The following EDIL3 variants were observed in gnomAD, a reference collection of about 807,000 sequenced individuals.
EDIL3 encodes the protein EGF like and discoidin domains 3.
A neutral mutation model predicts 67.4 loss-of-function variants in EDIL3; 37 were observed. The ratio of observed to expected loss-of-function variants is 0.55; its 90% confidence interval spans 0.42 to 0.72. The LOEUF (loss-of-function observed/expected upper bound fraction) is 0.72, where lower values mean the gene tolerates loss of function less well. Among genes scored for constraint, EDIL3 ranks in the 30% least tolerant of loss-of-function variants. The probability of loss-of-function intolerance (pLI) is 0.00; values close to 1 mark genes in which losing one functional copy is unlikely to be tolerated. For synonymous variants in EDIL3, 195 were observed against 196.3 expected, an observed-to-expected ratio of 0.99 and a Z score of 0.05; for missense variants, 527 against 586.3, an observed-to-expected ratio of 0.90 and a Z score of 1.04.
intron 9 of EDIL3, among the ~76,000 whole-genome samples, chr5:83,988,099 A>T (rs1249661454): frequency 6.6e-6 from 1 of 151,994 alleles, no homozygotes; most frequent in Admixed American, 6.6e-5. Flanking sequence ...TCAAATCCAC[A>T]CTAAAATTGA....
Position 84,384,431 on chromosome 5 carries a change from T to C in EDIL3, c.-57A>G. 6.3e-7 allele frequency: 1 copy of C among 1,586,878 alleles called. No homozygotes were observed. The highest frequency in any genetic ancestry group is 1.3e-5 in the African/African-American group (1 of 74,290). On this transcript the variant is annotated 5_prime_UTR_variant, in exon 1 of 11. Transcript: ENST00000296591. ...TCAGGGGTCGTCGCGGAGGGCAGTG[T>C]AGCCGAGGTGGCAGCGCAGGGCAGC... is the stretch of plus-strand genomic sequence containing the variant.
chr5:84,007,622 A>T (rs1745441199), intron 9 of EDIL3, among the ~76,000 whole-genome samples: 1 of 152,200 alleles, frequency 6.6e-6, no homozygotes, highest in South Asian at 2.1e-4. Context: ...AAAGACCAGC[A>T]GTAGCAAATG....
intron 6 of EDIL3, among the ~76,000 whole-genome samples, chr5:84,077,420 AC>A (rs1356461098): frequency 6.6e-6 from 1 of 152,118 alleles, no homozygotes; most frequent in Non-Finnish European, 1.5e-5. Context: ...AATACCTGAG[AC>A]TGACTAATTA....
At chr5:84,368,401 A>G (rs530795694) in intron 1 of EDIL3, among the ~76,000 whole-genome samples, 1 of 152,312 alleles carries the variant, frequency 6.6e-6, no homozygotes, top group African/African-American at 2.4e-5. Context: ...TCTTCAACAA[A>G]TGTTGCTGGT....
chr5:84,027,510 T>C (rs559456651), intron 9 of EDIL3, among the ~76,000 whole-genome samples: 11 of 152,076 alleles, frequency 7.2e-5, no homozygotes, highest in African/African-American at 2.7e-4. Flanking sequence ...AAGATGGAGA[T>C]GGAAATGTCT....
At chr5:84,363,967 C>T (rs551584042) in intron 1 of EDIL3, among the ~76,000 whole-genome samples, 1 of 152,200 alleles carries the variant, frequency 6.6e-6, no homozygotes, top group South Asian at 2.1e-4. Flanking sequence ...GTCATCAATT[C>T]TTAGTGTGCT....
At chr5:84,242,096 G>A (rs1421764583) in intron 2 of EDIL3, among the ~76,000 whole-genome samples, 2 of 151,632 alleles carry the variant, frequency 1.3e-5, no homozygotes, top group African/African-American at 2.4e-5. Flanking sequence ...GCCAGGCGTG[G>A]TGGTGGGCGC....
intron 4 of EDIL3, among the ~76,000 whole-genome samples, chr5:84,140,088 T>A (rs1748162491): frequency 6.6e-6 from 1 of 152,140 alleles, no homozygotes; most frequent in Non-Finnish European, 1.5e-5. Flanking sequence ...TTAAAGGGTA[T>A]TTCCTTCACC....
chr5:84,323,532 C>T (rs191145416), intron 1 of EDIL3, among the ~76,000 whole-genome samples: 114 of 151,904 alleles, frequency 7.5e-4, no homozygotes, highest in African/African-American at 2.7e-3. Context: ...ATAAAGGAAA[C>T]AAACAGAAAA....
chr5:84,137,347 A>C lies in EDIL3; in HGVS notation c.363T>G (p.Asn121Lys). The C allele has an allele frequency of 6.2e-7, 1 of 1,612,038 alleles. No homozygotes were observed. The highest frequency in any genetic ancestry group is 8.5e-7 in the Non-Finnish European group (1 of 1,179,292). The change falls in exon 5 of 11, where the codon AAT becomes AAG. Residue 121 changes from asparagine to lysine, a missense_variant. Physicochemically the swap from Asn to Lys is moderately conservative, Grantham distance 94 (BLOSUM62 0). This residue lies in a region of EDIL3 where 494 missense variants were observed against 522.5 expected (regional missense o/e 0.95). Transcript: ENST00000296591. ...FNGIHCQHNI[N>K]ECEVEPCKNG... ...TTTTGCAAGGCTCAACTTCGCATTCATTTATGTCTAAGAAAAACAGAAAGG... is the reference window on the plus strand; with the variant it reads ...TTTTGCAAGGCTCAACTTCGCATTCCTTTATGTCTAAGAAAAACAGAAAGG...
Position 83,941,388 on chromosome 5 carries a change from A to G in EDIL3, c.*2031T>C, listed in dbSNP as rs1192325039. The G allele has an allele frequency of 2.6e-5, 4 of 152,064 alleles. No homozygotes were observed. Among genetic ancestry groups the G allele is most frequent in the African/African-American group, 9.6e-5 (4 of 41,460 alleles). The allele number at this position is 152,064 out of a possible 1,614,324, so 9.4% of individuals were successfully genotyped here. On this transcript the variant is annotated 3_prime_UTR_variant, in exon 11 of 11. Coordinates refer to ENST00000296591, the MANE Select transcript of EDIL3 (RefSeq NM_005711.5). ...GTATCAATAGAAAAAATTACAAAACATCATATGAAGCTATAAATAATTTTG... is the reference window on the plus strand; with the variant it reads ...GTATCAATAGAAAAAATTACAAAACGTCATATGAAGCTATAAATAATTTTG...
Position 84,265,391 on chromosome 5 carries a change from T to C in EDIL3, c.68-11179A>G, listed in dbSNP as rs141152207. Among the ~76,000 whole-genome samples the C allele has an allele frequency of 2.4e-3, 358 of 152,326 alleles. 1 individual carries two copies. Among genetic ancestry groups the C allele is most frequent in the African/African-American group, 8.4e-3 (350 of 41,564 alleles). The stretch of plus-strand genomic sequence containing the variant: ...CTGTATATGCTTATCTATTTAGTGG[T>C]TGGCAAATACAGAGACATCACAAAA... On this transcript the variant is annotated intron_variant, in intron 1 of 10. Transcript: ENST00000296591.
chr5:84,256,148 C>CTATCTATCTATCTATCATCT (rs3046886), intron 1 of EDIL3, among the ~76,000 whole-genome samples: 9,627 of 146,444 alleles, frequency 0.066, 414 homozygotes, highest in East Asian at 0.17. Context: ...ATCTATCTAT[C>CTATCTATCTATCTATCATCT]ATCTATCTAT....
At chr5:83,992,253 G>A (rs896150273) in intron 9 of EDIL3, among the ~76,000 whole-genome samples, 1 of 152,154 alleles carries the variant, frequency 6.6e-6, no homozygotes, top group African/African-American at 2.4e-5. Flanking sequence ...AGAATTGAAA[G>A]AGTATAACAA....
At chr5:84,255,157 A>G (rs1395799041) in intron 1 of EDIL3, among the ~76,000 whole-genome samples, 1 of 152,322 alleles carries the variant, frequency 6.6e-6, no homozygotes, top group East Asian at 1.9e-4. Context: ...GAAGTAGTAT[A>G]CAAGGACCAG....
intron 5 of EDIL3, among the ~76,000 whole-genome samples, chr5:84,120,282 G>A (rs1443453915): frequency 2.0e-5 from 3 of 151,886 alleles, no homozygotes; most frequent in Non-Finnish European, 4.4e-5. Context: ...AGTCAAGTGG[G>A]TGGCAATATC....
intron 1 of EDIL3, among the ~76,000 whole-genome samples, chr5:84,274,417 C>T (rs1295189416): frequency 6.6e-6 from 1 of 152,096 alleles, no homozygotes; most frequent in Non-Finnish European, 1.5e-5. Context: ...ATTTTAATAT[C>T]ATTTTTACTT....
chr5:84,155,389 G>A (rs1420774572), intron 4 of EDIL3, among the ~76,000 whole-genome samples: 1 of 152,094 alleles, frequency 6.6e-6, no homozygotes, highest in Admixed American at 6.5e-5. Flanking sequence ...CATCTCTTAG[G>A]GGATTTGGCA....
chr5:84,218,444 T>C (rs995627668), intron 3 of EDIL3, among the ~76,000 whole-genome samples: 1 of 152,224 alleles, frequency 6.6e-6, no homozygotes, highest in Non-Finnish European at 1.5e-5. Flanking sequence ...GGATCAGGGA[T>C]GGAGGCAGAG....
Sources: allele counts gnomAD v4.1 joint callset (sites outside exome capture counted in the v4.1 genomes callset), GRCh38; gene constraint gnomAD v4.1.1; regional missense constraint gnomAD v4.1.1; transcripts MANE v1.5; gene names NCBI Gene and HGNC (gene_info 2026-07-23, HGNC 2026-07-21).